ZNF273: variants seen among roughly 807,000 people sequenced by gnomAD.
ZNF273 encodes the protein zinc finger protein 9.
ZNF273 carries 11 observed loss-of-function variants against 14.9 expected under a neutral mutation model. That is an observed-to-expected ratio of 0.74 (90% CI 0.46 to 1.22). The LOEUF is 1.22. Among genes scored for constraint, ZNF273 ranks in the 50% most tolerant of loss-of-function variants. ZNF273 has a pLI of 0.00. For synonymous variants in ZNF273, 199 were observed against 223.9 expected (o/e 0.89, Z 0.99); for missense variants, 577 against 660.6 (o/e 0.87, Z 1.39).
chr7:64,928,636 A>G lies in ZNF273; in HGVS notation c.1308A>G (p.Gly436=). The change falls in exon 4 of 4, where the codon GGA becomes GGG. Residue 436 remains glycine (G), a synonymous_variant. Transcript: ENST00000476120. ...KEKPYKCEEC[G]KAFSVFSTLT... is the part of the protein sequence containing the mutation. Reference sequence around the variant, plus strand: ...AACCATACAAATGTGAAGAATGTGGAAAAGCCTTTAGTGTATTCTCAACCC... The same window carrying G: ...AACCATACAAATGTGAAGAATGTGGGAAAGCCTTTAGTGTATTCTCAACCC... The G allele has an allele frequency of 1.9e-6, 3 of 1,612,696 alleles. No homozygotes were observed. Among genetic ancestry groups the G allele is most frequent in the Non-Finnish European group, 2.5e-6 (3 of 1,179,464 alleles).
At chr7:64,897,239 A>G (rs1407567959) in intron 3 of ZNF273, 1 of 152,234 alleles carries the variant, frequency 6.6e-6, no homozygotes, top group Non-Finnish European at 1.5e-5. Context: ...AGAGCTGAGA[A>G]TAGCAGTTTC....
At position 64,928,176 on chromosome 7, in the gene ZNF273, T is replaced by A. The variant is rs193031621; in HGVS notation, c.848T>A (p.Ile283Asn). The A allele has an allele frequency of 9.9e-6, 16 of 1,613,114 alleles. No homozygotes were observed. Among genetic ancestry groups the A allele is most frequent in the Middle Eastern group, 1.6e-4 (1 of 6,076 alleles). The change falls in exon 4 of 4, where the codon ATT becomes AAT. Residue 283 changes from isoleucine (I) to asparagine (N), a missense_variant. By Grantham distance (149) the Ile-to-Asn change is moderately radical (BLOSUM62 -3). Coordinates refer to ENST00000476120, the MANE Select transcript of ZNF273 (RefSeq NM_021148.3). Reference sequence around the variant, plus strand: ...TTAACTCTTACTAAACATAAAAAAATTCATACTGAAGAGAAACCTTACAAA... The same window carrying A: ...TTAACTCTTACTAAACATAAAAAAAATCATACTGAAGAGAAACCTTACAAA... Reference protein sequence around the residue: ...QSLTLTKHKKIHTEEKPYKCE... With the variant: ...QSLTLTKHKKNHTEEKPYKCE...
At chr7:64,902,303 C>G (rs894669400), upstream of ZNF273, among the ~76,000 whole-genome samples, 1 of 151,586 alleles carries the variant, frequency 6.6e-6, no homozygotes, top group South Asian at 2.1e-4. Flanking sequence ...CTCAGGCTGC[C>G]TGCTTAAAGG....
intron 3 of ZNF273, among the ~76,000 whole-genome samples, chr7:64,919,635 G>A (rs1794286226): frequency 2.6e-5 from 4 of 151,994 alleles, no homozygotes. Flanking sequence ...GGTCAAAAAA[G>A]ATTTTTTACC....
chr7:64,879,867 C>T (rs777612359), downstream of ZNF273: 2 of 152,236 alleles, frequency 1.3e-5, no homozygotes, highest in Admixed American at 1.3e-4. Flanking sequence ...CGGAGACAAA[C>T]TAAGGAAGCC....
chr7:64,883,220 C>CCCA (rs1355378472), downstream of ZNF273, among the ~76,000 whole-genome samples: 1 of 145,722 alleles, frequency 6.9e-6, no homozygotes, highest in African/African-American at 2.5e-5. Context: ...CACCACCCCC[C>CCCA]CCTCACCAAG....
intron 3 of ZNF273, among the ~76,000 whole-genome samples, chr7:64,921,121 A>G (rs1026828056): frequency 6.6e-6 from 1 of 151,422 alleles, no homozygotes; most frequent in Non-Finnish European, 1.5e-5. Context: ...CTGGAGTGCA[A>G]TGGCATGATC....
At position 64,928,363 on chromosome 7, in the gene ZNF273, C is replaced by A; in HGVS notation, c.1035C>A (p.Pro345=). ...AGATAATTCATACTGGAGAGAAACC[C>A]TACAAATGCAATGAATGTGGTAAAG... ...KHKIIHTGEK[P]YKCNECGKAF... The change falls in exon 4 of 4, where the codon CCC becomes CCA. Residue 345 remains proline (P), a synonymous_variant. Coordinates refer to ENST00000476120, the MANE Select transcript of ZNF273 (RefSeq NM_021148.3). 6.2e-7 allele frequency: 1 copy of A among 1,612,586 alleles called. No homozygotes were observed. The highest frequency in any genetic ancestry group is 8.5e-7 in the Non-Finnish European group (1 of 1,179,502).
At chr7:64,885,171 A>G (rs1432660803) in intron 1 of ZNF273, among the ~76,000 whole-genome samples, 1 of 152,136 alleles carries the variant, frequency 6.6e-6, no homozygotes, top group Non-Finnish European at 1.5e-5. Context: ...TGGGGGATCC[A>G]CGGGATAGTC....
chr7:64,905,444 A>G (rs1448206987), intron 1 of ZNF273, among the ~76,000 whole-genome samples: 1 of 72,224 alleles, frequency 1.4e-5, no homozygotes, highest in African/African-American at 4.8e-5. Context: ...TTTTTTTTTG[A>G]AAAGCTAACC....
chr7:64,888,864 C>T, exon 2 of ZNF273: 1 of 985,964 alleles, frequency 1.0e-6, no homozygotes, highest in African/African-American at 1.7e-5. Flanking sequence ...AAGCCATGTT[C>T]ATCTATCTGC....
chr7:64,881,679 G>A (rs986115246), downstream of ZNF273, among the ~76,000 whole-genome samples: 4 of 152,114 alleles, frequency 2.6e-5, no homozygotes, highest in Non-Finnish European at 5.9e-5. Context: ...GGACTTCAGG[G>A]GGCACAAGGG....
intron 1 of ZNF273, among the ~76,000 whole-genome samples, chr7:64,910,272 T>C (rs1583987999): frequency 6.6e-6 from 1 of 152,224 alleles, no homozygotes; most frequent in East Asian, 1.9e-4. Context: ...GAATGGTCTT[T>C]CCTAGGTTAT....
chr7:64,888,755 C>CGGAT (rs1415518360), exon 2 of ZNF273: 1 of 985,668 alleles, frequency 1.0e-6, no homozygotes, highest in Non-Finnish European at 1.2e-6. Context: ...CCCGCAGAGC[C>CGGAT]GGATAGAAAC....
chr7:64,882,992 T>A (rs912003226), downstream of ZNF273, among the ~76,000 whole-genome samples: 1 of 152,168 alleles, frequency 6.6e-6, no homozygotes, highest in African/African-American at 2.4e-5. Flanking sequence ...CGTGTGTGTG[T>A]TTCTGTGTGT....
chr7:64,918,391 G>C, intron 3 of ZNF273, 99 bp downstream of exon 3: 1 of 1,214,528 alleles, frequency 8.2e-7, no homozygotes. Flanking sequence ...GGCCAGGCGC[G>C]GTGGCTCACG....
At chr7:64,917,515 AGTCAAATTAAATATTCT>A (rs1292396095) in intron 1 of ZNF273, 49 bp from the exon 2 acceptor site, 77 of 1,556,388 alleles carry the variant, frequency 4.9e-5, no homozygotes, top group Non-Finnish European at 6.6e-5. Flanking sequence ...TTCCACCTTG[AGTCAAATTAAATATTCT>A]GTCCAGAGCA....
chr7:64,928,930 A>C lies in ZNF273; in HGVS notation c.1602A>C (p.Lys534Asn). 6.2e-7 allele frequency: 1 copy of C among 1,613,780 alleles called. No homozygotes were observed. Among genetic ancestry groups the C allele is most frequent in the Non-Finnish European group, 8.5e-7 (1 of 1,179,854 alleles). The change falls in exon 4 of 4, where the codon AAA becomes AAC. Residue 534 changes from lysine (K) to asparagine (N), a missense_variant. By Grantham distance (94) the Lys-to-Asn change is moderately conservative. Around this residue, in one of 3 missense-constraint regions of ZNF273, gnomAD observed 411 missense variants for 440.4 expected, o/e 0.93. Transcript: ENST00000476120. ...CCTCAAACCTTACTCGACATAAGAA[A>C]ATTCATACTGGAGAGAAACCATACA... The part of the protein sequence containing the change: ...NRSSNLTRHK[K>N]IHTGEKPYKP...
intron 3 of ZNF273, among the ~76,000 whole-genome samples, chr7:64,921,605 C>CCTTTT (rs1794451548): frequency 8.6e-5 from 5 of 57,926 alleles, no homozygotes; most frequent in African/African-American, 2.7e-4. Context: ...CATGCTAATG[C>CCTTTT]TTTTTTTTTT....
Sources: gnomAD v4.1 joint callset for allele counts (sites outside exome capture counted in the v4.1 genomes callset) on GRCh38, gnomAD v4.1.1 for gene constraint, gnomAD v4.1.1 regional missense constraint, MANE v1.5 for transcripts, NCBI Gene and HGNC (gene_info 2026-07-23, HGNC 2026-07-21) for gene names.